Variants in CLDN23 observed in about 807,000 individuals in gnomAD.
The protein encoded by CLDN23 is claudin-23.
In CLDN23, 3 loss-of-function variants were observed where a neutral mutation model predicts 1.4. The observed-to-expected ratio is 2.10, with a 90% confidence interval of 0.96 to 5.43. The LOEUF is 5.43. Ranked by LOEUF, CLDN23 falls within the 30% of genes most tolerant of loss-of-function variation. The pLI is 0.02. For missense variants in CLDN23, 597 were observed against 433.5 expected (o/e 1.38, Z -3.35); for synonymous variants, 291 against 209.9 (o/e 1.39, Z -3.34).
chr8:8,702,619 C>A lies in CLDN23; in HGVS notation c.221C>A (p.Ala74Asp). Residue 74 changes from alanine to aspartate, a missense_variant, in exon 1 of 1, where the codon GCC (alanine) becomes GAC (aspartate). Ala to Asp is a moderately radical substitution (Grantham distance 126). Transcript: ENST00000519106. ...ACGGACCAGTGGGGCTACTTCGAGG[C>A]CCAGCCCGTGCTGGTGGCGCGGGCA... is the stretch of plus-strand genomic sequence containing the variant. ...GQTDQWGYFE[A>D]QPVLVARALM... The A allele has an allele frequency of 1.9e-6, 3 of 1,604,850 alleles. No individual in the cohort carries two copies. Among genetic ancestry groups the A allele is most frequent in the Non-Finnish European group, 1.7e-6 (2 of 1,175,884 alleles).
rs1480140970 is a variant in CLDN23, at chr8:8,703,033, G to A, written c.635G>A (p.Trp212Ter). The stretch of plus-strand genomic sequence containing the variant: ...AGCGTCAGCACCATCCAAGTGGAGT[G>A]GCCCGAGCCCGACCTGGCGCCCGCC... ...RSSVSTIQVE[W>*]PEPDLAPAIK... The change falls in exon 1 of 1, where the codon TGG becomes TAG. Residue 212 changes from tryptophan to a stop codon, truncating the protein, a stop_gained. Coordinates refer to ENST00000519106, the MANE Select transcript of CLDN23 (RefSeq NM_194284.3). LOFTEE classifies it low-confidence loss of function (END_TRUNC). 3 of 1,538,394 alleles carry A rather than the reference G, an allele frequency of 2.0e-6. No individual in the cohort carries two copies. The highest frequency in any genetic ancestry group is 2.6e-6 in the Non-Finnish European group (3 of 1,148,530).
chr8:8,702,677 G>C lies in CLDN23; in HGVS notation c.279G>C (p.Leu93=), dbSNP rs1411731659. The change falls in exon 1 of 1, where the codon CTG becomes CTC. Residue 93 remains leucine (L), a synonymous_variant. Transcript: ENST00000519106. ...LMVTSLAATV[L]GLLLASLGVR... is the part of the protein sequence containing the mutation. ...TCACCTCGCTGGCCGCCACGGTCCT[G>C]GGGCTTCTGCTGGCGTCGCTGGGCG... The C allele has an allele frequency of 2.1e-5, 33 of 1,606,052 alleles. No individual in the cohort carries two copies. The highest frequency in any genetic ancestry group is 2.7e-5 in the Non-Finnish European group (32 of 1,178,896).
In CLDN23 at chr8:8,702,092, G is replaced by A. The variant is rs541486254; in HGVS notation, c.-307G>A. The A allele has an allele frequency of 3.4e-5, 9 of 262,916 alleles. No homozygotes were observed. Among genetic ancestry groups the A allele is most frequent in the Middle Eastern group, 1.0e-3 (1 of 960 alleles). 16.3% of individuals were successfully genotyped at this position (262,916 alleles called of 1,614,324 possible). A position where few individuals can be genotyped will look rare whatever the true frequency, so the allele number is the denominator to read the frequency against. On this transcript the variant is annotated 5_prime_UTR_variant, in exon 1 of 1. Coordinates refer to ENST00000519106, the MANE Select transcript of CLDN23 (RefSeq NM_194284.3). ...TTGGCCGCGGCAGCCGCCCCTGGGCGCCCGCGCCCGGACCCGCGGTTTCGG... is the reference window on the plus strand; with the variant it reads ...TTGGCCGCGGCAGCCGCCCCTGGGCACCCGCGCCCGGACCCGCGGTTTCGG...
chr8:8,704,009 T>G lies in CLDN23; in HGVS notation c.*732T>G, dbSNP rs1802836823. ...TCCAGGACGCAGAGGACTCTAGGTT[T>G]AACATTTTGTACAAAATGGAACCTG... is the stretch of plus-strand genomic sequence containing the variant. On this transcript the variant is annotated 3_prime_UTR_variant, in exon 1 of 1. Coordinates refer to ENST00000519106, the MANE Select transcript of CLDN23 (RefSeq NM_194284.3). 6.0e-6 allele frequency: 1 copy of G among 167,086 alleles called. No individual in the cohort carries two copies. Among genetic ancestry groups the G allele is most frequent in the Non-Finnish European group, 1.5e-5 (1 of 68,128 alleles). The allele number at this position is 167,086 out of a possible 1,614,324, so 10.4% of individuals were successfully genotyped here. A position where few individuals can be genotyped will look rare whatever the true frequency, so the allele number is the denominator to read the frequency against.
chr8:8,703,505 T>G lies in CLDN23; in HGVS notation c.*228T>G, dbSNP rs1029402315. 16 of 415,810 alleles carry G rather than the reference T, an allele frequency of 3.8e-5. No homozygotes were observed. Among genetic ancestry groups the G allele is most frequent in the African/African-American group, 2.9e-4 (14 of 48,770 alleles). The allele number at this position is 415,810 out of a possible 1,614,324, so 25.8% of individuals were successfully genotyped here. A position where few individuals can be genotyped will look rare whatever the true frequency, so the allele number is the denominator to read the frequency against. Reference sequence around the variant, plus strand: ...GAGGGATCAGGGTCCTCTTAGGGAGTGACGGGCTTTTCATATATTTTTGCT... The same window carrying G: ...GAGGGATCAGGGTCCTCTTAGGGAGGGACGGGCTTTTCATATATTTTTGCT... On this transcript the variant is annotated 3_prime_UTR_variant, in exon 1 of 1. Coordinates refer to ENST00000519106, the MANE Select transcript of CLDN23 (RefSeq NM_194284.3).
Position 8,702,011 on chromosome 8 carries a change from G to C in CLDN23, c.-388G>C. On this transcript the variant is annotated 5_prime_UTR_variant, in exon 1 of 1. Transcript: ENST00000519106. ...GATCCCCATCTCACCTGCCGCGGGC[G>C]AGGTGGCCCCGCCGCTTCCTGCGCT... 1 of 164,492 alleles carries C rather than the reference G, an allele frequency of 6.1e-6. No individual in the cohort carries two copies. Among genetic ancestry groups the C allele is most frequent in the Non-Finnish European group, 1.3e-5 (1 of 77,138 alleles). The allele number at this position is 164,492 out of a possible 1,614,324, so 10.2% of individuals were successfully genotyped here.
At position 8,703,105 on chromosome 8, in the gene CLDN23, A is replaced by G; in HGVS notation, c.707A>G (p.His236Arg). ...DGQHRPPPAQ[H>R]RKPKPKPKVG... ...CAGCACCGACCGCCGCCTGCCCAGC[A>G]CCGCAAGCCCAAGCCCAAGCCCAAG... Residue 236 changes from histidine (H) to arginine (R), a missense_variant, in exon 1 of 1, where the codon CAC becomes CGC. Transcript: ENST00000519106. The G allele has an allele frequency of 6.5e-7, 1 of 1,541,074 alleles. No homozygotes were observed.
At position 8,703,295 on chromosome 8, in the gene CLDN23, G is replaced by C. The variant is rs1311899022; in HGVS notation, c.*18G>C. ...ACCTCTAGACGCTTGTAGAGCCTGG[G>C]GGGCGCCGGGTGGCAAAGGACTCAC... On this transcript the variant is annotated 3_prime_UTR_variant, in exon 1 of 1. Coordinates refer to ENST00000519106, the MANE Select transcript of CLDN23 (RefSeq NM_194284.3). The C allele has an allele frequency of 2.2e-6, 3 of 1,366,002 alleles. No individual in the cohort carries two copies. The highest frequency in any genetic ancestry group is 1.5e-5 in the African/African-American group (1 of 65,186). 84.6% of individuals were successfully genotyped at this position (1,366,002 alleles called of 1,614,324 possible).
Position 8,702,106 on chromosome 8 carries a change from C to G in CLDN23, c.-293C>G, listed in dbSNP as rs527267148. On this transcript the variant is annotated 5_prime_UTR_variant, in exon 1 of 1. Transcript: ENST00000519106. ...CGCCCCTGGGCGCCCGCGCCCGGAC[C>G]CGCGGTTTCGGTCAGACCCGCCCGC... 8 of 292,536 alleles carry G rather than the reference C, an allele frequency of 2.7e-5. No homozygotes were observed. In the South Asian group the frequency reaches 1.1e-3, roughly 42 times the overall value. The allele number at this position is 292,536 out of a possible 1,614,324, so 18.1% of individuals were successfully genotyped here. A position where few individuals can be genotyped will look rare whatever the true frequency, so the allele number is the denominator to read the frequency against.
rs1802731943 is a variant in CLDN23, at chr8:8,702,024, C to A, written c.-375C>A. On this transcript the variant is annotated 5_prime_UTR_variant, in exon 1 of 1. Transcript: ENST00000519106. Reference sequence around the variant, plus strand: ...CCTGCCGCGGGCGAGGTGGCCCCGCCGCTTCCTGCGCTCACCTCGGGTCCC... The same window carrying A: ...CCTGCCGCGGGCGAGGTGGCCCCGCAGCTTCCTGCGCTCACCTCGGGTCCC... The A allele has an allele frequency of 5.7e-6, 1 of 175,022 alleles. No individual in the cohort carries two copies. The highest frequency in any genetic ancestry group is 2.4e-5 in the African/African-American group (1 of 42,444). 10.8% of individuals were successfully genotyped at this position (175,022 alleles called of 1,614,324 possible).
Position 8,703,401 on chromosome 8 carries a change from G to A in CLDN23, c.*124G>A, listed in dbSNP as rs1006226957. On this transcript the variant is annotated 3_prime_UTR_variant, in exon 1 of 1. Transcript: ENST00000519106. ...GTGTGGATGGAAATCTGCCTTTCGT[G>A]GGACCAAACAGGACTCCTTGGACGA... is the stretch of plus-strand genomic sequence containing the variant. 4.1e-6 allele frequency: 4 copies of A among 971,888 alleles called. No individual in the cohort carries two copies. Among genetic ancestry groups the A allele is most frequent in the Non-Finnish European group, 4.1e-6 (3 of 728,920 alleles). The allele number at this position is 971,888 out of a possible 1,614,324, so 60.2% of individuals were successfully genotyped here. A position where few individuals can be genotyped will look rare whatever the true frequency, so the allele number is the denominator to read the frequency against.
chr8:8,702,685 T>C lies in CLDN23; in HGVS notation c.287T>C (p.Leu96Pro). 2 of 1,606,436 alleles carry C rather than the reference T, an allele frequency of 1.2e-6. No homozygotes were observed. The highest frequency in any genetic ancestry group is 1.7e-6 in the Non-Finnish European group (2 of 1,179,044). ...CTGGCCGCCACGGTCCTGGGGCTTC[T>C]GCTGGCGTCGCTGGGCGTGCGCTGC... ...TSLAATVLGL[L>P]LASLGVRCWQ... Residue 96 changes from leucine to proline, a missense_variant, in exon 1 of 1, where the codon CTG becomes CCG. By Grantham distance (98) the Leu-to-Pro change is moderately conservative. Coordinates refer to ENST00000519106, the MANE Select transcript of CLDN23 (RefSeq NM_194284.3).
At position 8,702,892 on chromosome 8, in the gene CLDN23, T is replaced by C; in HGVS notation, c.494T>C (p.Leu165Pro). 6.3e-7 allele frequency: 1 copy of C among 1,576,880 alleles called. No individual in the cohort carries two copies. ...AGCTACAGCCTGGTCCTGGGCTACC[T>C]GGGCAGCTGCCTCCTGCTGCTGGGC... ...QVSYSLVLGY[L>P]GSCLLLLGGF... Residue 165 changes from leucine (L) to proline (P), a missense_variant, in exon 1 of 1, where the codon CTG (leucine) becomes CCG (proline). Coordinates refer to ENST00000519106, the MANE Select transcript of CLDN23 (RefSeq NM_194284.3).
In CLDN23 at chr8:8,703,120, C is replaced by G. The variant is rs765610932; in HGVS notation, c.722C>G (p.Pro241Arg). The G allele has an allele frequency of 3.0e-5, 46 of 1,547,826 alleles. No homozygotes were observed. The highest frequency in any genetic ancestry group is 3.3e-4 in the Middle Eastern group (2 of 5,986). ...CCTGCCCAGCACCGCAAGCCCAAGC[C>G]CAAGCCCAAGGTCGGCTTCCCCATG... ...PPPAQHRKPK[P>R]KPKVGFPMPR... Residue 241 changes from proline to arginine, a missense_variant, in exon 1 of 1, where the codon CCC (proline) becomes CGC (arginine). Transcript: ENST00000519106.
rs996468063 is a variant in CLDN23, at chr8:8,703,078, G to T, written c.680G>T (p.Gly227Val). The change falls in exon 1 of 1, where the codon GGC (glycine) becomes GTC (valine). Residue 227 changes from glycine (G) to valine (V), a missense_variant. Coordinates refer to ENST00000519106, the MANE Select transcript of CLDN23 (RefSeq NM_194284.3). ...LAPAIKYYSDGQHRPPPAQHR... is the reference protein window; with the variant it reads ...LAPAIKYYSDVQHRPPPAQHR... Reference sequence around the variant, plus strand: ...CCCGCCATCAAGTACTACAGCGACGGCCAGCACCGACCGCCGCCTGCCCAG... The same window carrying T: ...CCCGCCATCAAGTACTACAGCGACGTCCAGCACCGACCGCCGCCTGCCCAG... The T allele has an allele frequency of 6.5e-7, 1 of 1,536,218 alleles. No homozygotes were observed. The highest frequency in any genetic ancestry group is 8.7e-7 in the Non-Finnish European group (1 of 1,149,648).
At position 8,702,624 on chromosome 8, in the gene CLDN23, C is replaced by A. The variant is rs1802767498; in HGVS notation, c.226C>A (p.Pro76Thr). 1 of 1,604,420 alleles carries A rather than the reference C, an allele frequency of 6.2e-7. No homozygotes were observed. The highest frequency in any genetic ancestry group is 8.5e-7 in the Non-Finnish European group (1 of 1,175,854). ...CCAGTGGGGCTACTTCGAGGCCCAGCCCGTGCTGGTGGCGCGGGCACTCAT... is the reference window on the plus strand; with the variant it reads ...CCAGTGGGGCTACTTCGAGGCCCAGACCGTGCTGGTGGCGCGGGCACTCAT... ...TDQWGYFEAQPVLVARALMVT... is the reference protein window; with the variant it reads ...TDQWGYFEAQTVLVARALMVT... The change falls in exon 1 of 1, where the codon CCC becomes ACC. Residue 76 changes from proline (P) to threonine (T), a missense_variant. By Grantham distance (38) the Pro-to-Thr change is conservative (BLOSUM62 -1). Transcript: ENST00000519106.
At position 8,702,714 on chromosome 8, in the gene CLDN23, C is replaced by A. The variant is rs1343459704; in HGVS notation, c.316C>A (p.Gln106Lys). 2 of 1,607,652 alleles carry A rather than the reference C, an allele frequency of 1.2e-6. No individual in the cohort carries two copies. Among genetic ancestry groups the A allele is most frequent in the South Asian group, 1.1e-5 (1 of 90,918 alleles). Residue 106 changes from glutamine to lysine, a missense_variant, in exon 1 of 1, where the codon CAG (glutamine) becomes AAG (lysine). Coordinates refer to ENST00000519106, the MANE Select transcript of CLDN23 (RefSeq NM_194284.3). ...GGCGTCGCTGGGCGTGCGCTGCTGG[C>A]AGGACGAGCCCAACTTCGTGCTGGC... ...LLASLGVRCW[Q>K]DEPNFVLAGL... is the part of the protein sequence containing the mutation.
Position 8,702,336 on chromosome 8 carries a change from G to T in CLDN23, c.-63G>T. On this transcript the variant is annotated 5_prime_UTR_variant, in exon 1 of 1. Coordinates refer to ENST00000519106, the MANE Select transcript of CLDN23 (RefSeq NM_194284.3). ...GGCACGGCAGGGAGAAGACGACGGCGGAGAAGGCGACAGCGGAGAAGGAAG... is the reference window on the plus strand; with the variant it reads ...GGCACGGCAGGGAGAAGACGACGGCTGAGAAGGCGACAGCGGAGAAGGAAG... 6.9e-7 allele frequency: 1 copy of T among 1,452,850 alleles called. No homozygotes were observed. The highest frequency in any genetic ancestry group is 9.0e-7 in the Non-Finnish European group (1 of 1,107,252). 90.0% of individuals were successfully genotyped at this position (1,452,850 alleles called of 1,614,324 possible).
Position 8,702,273 on chromosome 8 carries a change from CG to C in CLDN23, c.-122del. ...GGGCTCAGGAGCCCGACCCGGAGCC[CG>C]GGGCGTCCGCGCTGACTTCGGGTCC... On this transcript the variant is annotated 5_prime_UTR_variant, in exon 1 of 1. Transcript: ENST00000519106. The C allele has an allele frequency of 9.3e-7, 1 of 1,075,812 alleles. No individual in the cohort carries two copies. Among genetic ancestry groups the C allele is most frequent in the Non-Finnish European group, 1.3e-6 (1 of 783,354 alleles). 66.6% of individuals were successfully genotyped at this position (1,075,812 alleles called of 1,614,324 possible). A position where few individuals can be genotyped will look rare whatever the true frequency, so the allele number is the denominator to read the frequency against.
Sources: allele counts gnomAD v4.1 joint callset, GRCh38; gene constraint gnomAD v4.1.1; transcripts MANE v1.5; gene names NCBI Gene and HGNC (gene_info 2026-07-23, HGNC 2026-07-21).